Variants in PIEZO2 observed in about 807,000 individuals in gnomAD.
PIEZO2 encodes piezo type mechanosensitive ion channel component 2.
Under a neutral mutation model 337.3 loss-of-function variants are expected in PIEZO2, and 172 were observed. That is an observed-to-expected ratio of 0.51 (90% CI 0.45 to 0.58). The LOEUF (loss-of-function observed/expected upper bound fraction) is 0.58. Ranked by LOEUF, PIEZO2 falls within the 20% of genes least tolerant of loss-of-function variation. The pLI is 0.00. For synonymous variants in PIEZO2, 1,251 were observed against 1,228.5 expected (o/e 1.02, Z -0.38); for missense variants, 3,028 against 3,391.3 (o/e 0.89, Z 2.66).
At position 10,682,761 on chromosome 18, in the gene PIEZO2, C is replaced by T. The variant is rs1436438689; in HGVS notation, c.7498-469G>A. Among the ~76,000 whole-genome samples, 1 of 73,974 alleles carries T rather than the reference C, an allele frequency of 1.4e-5. No homozygotes were observed. Among genetic ancestry groups the T allele is most frequent in the Non-Finnish European group, 3.3e-5 (1 of 29,914 alleles). 48.5% of individuals were successfully genotyped at this position (73,974 alleles called of 152,430 possible). On this transcript the variant is annotated intron_variant, in intron 49 of 55. Transcript: ENST00000674853. This position sits in a 1 kb window ranked among gnomAD's most constrained non-coding sequence, Gnocchi z 5.6. ...AAAAAACATGATTTTTAATTTAATT[C>T]ATGACACGTGTTGTTAAAGACAATG...
rs968143256 is a variant in PIEZO2 at position 10,673,952 on chromosome 18, A to T, written c.8162-1079T>A. On this transcript the variant is annotated intron_variant, in intron 54 of 55. Coordinates refer to ENST00000674853, the MANE Select transcript of PIEZO2 (RefSeq NM_001378183.1). This position sits in a 1 kb window ranked among gnomAD's most constrained non-coding sequence, Gnocchi z 4.8. The stretch of plus-strand genomic sequence containing the variant: ...TTCATAATGTTTTAAGAAAGTTTAC[A>T]GATTTGTGTTGGGCCACATTCAACA... Among the ~76,000 whole-genome samples the T allele has an allele frequency of 7.2e-5, 11 of 152,210 alleles. No individual in the cohort carries two copies. Among genetic ancestry groups the T allele is most frequent in the African/African-American group, 2.7e-4 (11 of 41,446 alleles).
intron 1 of PIEZO2, among the ~76,000 whole-genome samples, chr18:11,103,381 G>T (rs2039473786): frequency 6.6e-6 from 1 of 152,234 alleles, no homozygotes; most frequent in East Asian, 1.9e-4. Context: ...TAAGAGTGAT[G>T]GAGACATGAC....
chr18:10,687,860 G>A (rs1567949016), intron 49 of PIEZO2, among the ~76,000 whole-genome samples: 1 of 152,176 alleles, frequency 6.6e-6, no homozygotes, highest in Non-Finnish European at 1.5e-5. Flanking sequence ...ATAACACCCA[G>A]TTGGGCCACC....
chr18:10,676,247 G>A lies in PIEZO2; in HGVS notation c.8082-959C>T, dbSNP rs368291709. On this transcript the variant is annotated intron_variant, in intron 53 of 55. Transcript: ENST00000674853. The surrounding 1 kb of genome is among the most constrained non-coding windows in gnomAD (Gnocchi z 5.1). ...AAGGGCCCTTCAACTTTAGTGAGTC[G>A]CAAAACATATCTCAGTCTGGGAACA... Among the ~76,000 whole-genome samples, 5 of 152,188 alleles carry A rather than the reference G, an allele frequency of 3.3e-5. No individual in the cohort carries two copies. The highest frequency in any genetic ancestry group is 1.3e-4 in the Admixed American group (2 of 15,278).
chr18:11,039,009 G>A (rs1344359476), intron 2 of PIEZO2, among the ~76,000 whole-genome samples: 1 of 152,162 alleles, frequency 6.6e-6, no homozygotes, highest in East Asian at 1.9e-4. Context: ...TATTGTTTAG[G>A]ATATGTGTCT....
chr18:11,121,623 G>C (rs2146197318), intron 1 of PIEZO2, among the ~76,000 whole-genome samples: 1 of 152,276 alleles, frequency 6.6e-6, no homozygotes, highest in African/African-American at 2.4e-5. Flanking sequence ...GAGGAATTCG[G>C]CTTGCCCAGT....
intron 1 of PIEZO2, among the ~76,000 whole-genome samples, chr18:11,103,766 TAAA>T (rs1329882121): frequency 1.3e-5 from 2 of 151,530 alleles, no homozygotes; most frequent in Admixed American, 6.6e-5. Flanking sequence ...CAGCCTTCCT[TAAA>T]AAAGACAGAT....
At position 11,094,307 on chromosome 18, in the gene PIEZO2, A is replaced by G. The variant is rs894798642; in HGVS notation, c.65-28085T>C. 6.6e-6 allele frequency among the ~76,000 whole-genome samples: 1 copy of G among 152,116 alleles called. No homozygotes were observed. Among genetic ancestry groups the G allele is most frequent in the African/African-American group, 2.4e-5 (1 of 41,422 alleles). ...AGCCATTTATCATTGAAATTTTACA[A>G]ATGGGGAAGCTGAGGCGAAGTGATT... On this transcript the variant is annotated intron_variant, in intron 1 of 55. Coordinates refer to ENST00000674853, the MANE Select transcript of PIEZO2 (RefSeq NM_001378183.1). This position sits in a 1 kb window ranked among gnomAD's most constrained non-coding sequence, Gnocchi z 4.4.
rs2144153133 is a variant in PIEZO2, at chr18:10,789,100, C to T, written c.2148G>A (p.Leu716=). 6.5e-7 allele frequency: 1 copy of T among 1,537,088 alleles called. No homozygotes were observed. Among genetic ancestry groups the T allele is most frequent in the South Asian group, 1.2e-5 (1 of 84,034 alleles). ...CTACCTGGTATAGGGCCACACAGAACAGGAACAGCACCATGTAGATGATTT... is the reference window on the plus strand; with the variant it reads ...CTACCTGGTATAGGGCCACACAGAATAGGAACAGCACCATGTAGATGATTT... ...MYKIIYMVLF[L]FCVALYQVHY... is the part of the protein sequence containing the mutation. Residue 716 remains leucine, a synonymous_variant, in exon 15 of 56, where the codon CTG becomes CTA. Coordinates refer to ENST00000674853, the MANE Select transcript of PIEZO2 (RefSeq NM_001378183.1).
chr18:10,928,963 C>T (rs1296703669), intron 3 of PIEZO2, among the ~76,000 whole-genome samples: 1 of 152,136 alleles, frequency 6.6e-6, no homozygotes, highest in Non-Finnish European at 1.5e-5. Context: ...TCACCTTCAT[C>T]CCTGTTTAAT....
At position 10,750,256 on chromosome 18, in the gene PIEZO2, C is replaced by G; in HGVS notation, c.4168-69G>C. On this transcript the variant is annotated intron_variant, in intron 28 of 55. Coordinates refer to ENST00000674853, the MANE Select transcript of PIEZO2 (RefSeq NM_001378183.1). This position sits in a 1 kb window ranked among gnomAD's most constrained non-coding sequence, Gnocchi z 4.1. ...GAAAAAAAAGTGGTGTTTTATGATC[C>G]CAACATGTGCAAGAATTCACAAGGT... The G allele has an allele frequency of 9.0e-7, 1 of 1,106,144 alleles. No individual in the cohort carries two copies. The highest frequency in any genetic ancestry group is 1.3e-6 in the Non-Finnish European group (1 of 755,978). 68.5% of individuals were successfully genotyped at this position (1,106,144 alleles called of 1,614,324 possible).
At position 10,724,927 on chromosome 18, in the gene PIEZO2, C is replaced by T. The variant is rs1482963130; in HGVS notation, c.5029+6480G>A. On this transcript the variant is annotated intron_variant, in intron 36 of 55. Transcript: ENST00000674853. This position sits in a 1 kb window ranked among gnomAD's most constrained non-coding sequence, Gnocchi z 5.8. ...CACCCTGGGACAGCCTCCACCTGGA[C>T]GGCGATGGAACCCAGGTGGGCGCAC... is the stretch of plus-strand genomic sequence containing the variant. 6.9e-6 allele frequency: 11 copies of T among 1,604,842 alleles called. No individual in the cohort carries two copies. The highest frequency in any genetic ancestry group is 6.7e-5 in the African/African-American group (5 of 74,752).
intron 1 of PIEZO2, among the ~76,000 whole-genome samples, chr18:11,079,097 G>T (rs2038647414): frequency 6.6e-6 from 1 of 152,150 alleles, no homozygotes; most frequent in Non-Finnish European, 1.5e-5. Context: ...ATGAACTTGA[G>T]ATTGTTTGAT....
At chr18:10,765,332 C>T (rs971895269) in intron 21 of PIEZO2, among the ~76,000 whole-genome samples, 7 of 152,180 alleles carry the variant, frequency 4.6e-5, no homozygotes, top group African/African-American at 9.7e-5. Context: ...TGAAACCTGT[C>T]AGGGGACTTT....
chr18:10,932,567 A>C (rs992598737), intron 3 of PIEZO2, among the ~76,000 whole-genome samples: 6 of 152,188 alleles, frequency 3.9e-5, no homozygotes, highest in African/African-American at 1.4e-4. Context: ...TCCAGAGCAG[A>C]AGAGACACAA....
intron 42 of PIEZO2, chr18:10,704,147 G>C: frequency 1.9e-6 from 1 of 534,804 alleles, no homozygotes; most frequent in Non-Finnish European, 3.3e-6. Context: ...CTGTTAAATG[G>C]GAATGATGCC....
intron 3 of PIEZO2, among the ~76,000 whole-genome samples, chr18:10,960,633 G>A (rs2033730525): frequency 6.6e-6 from 1 of 151,268 alleles, no homozygotes; most frequent in African/African-American, 2.4e-5. Context: ...TGTGTTTGAG[G>A]TTTTTTCCTG....
chr18:10,813,195 G>T lies in PIEZO2; in HGVS notation c.918-5921C>A, dbSNP rs2040252356. Reference sequence around the variant, plus strand: ...GGGATTTCACCATGTTGGCCAGGCTGGTCTCCAACTCCTGACCTCGTGATT... The same window carrying T: ...GGGATTTCACCATGTTGGCCAGGCTTGTCTCCAACTCCTGACCTCGTGATT... On this transcript the variant is annotated intron_variant, in intron 7 of 55. Coordinates refer to ENST00000674853, the MANE Select transcript of PIEZO2 (RefSeq NM_001378183.1). The surrounding 1 kb of genome is among the most constrained non-coding windows in gnomAD (Gnocchi z 4.2). 6.6e-6 allele frequency among the ~76,000 whole-genome samples: 1 copy of T among 152,024 alleles called. No homozygotes were observed. Among genetic ancestry groups the T allele is most frequent in the Non-Finnish European group, 1.5e-5 (1 of 68,006 alleles).
intron 1 of PIEZO2, among the ~76,000 whole-genome samples, chr18:11,098,800 A>T (rs970439773): frequency 1.3e-5 from 2 of 149,998 alleles, no homozygotes; most frequent in African/African-American, 2.5e-5. Context: ...TTGTTTATTT[A>T]AAAAAAATTT....
Sources: allele counts gnomAD v4.1 joint callset (sites outside exome capture counted in the v4.1 genomes callset), GRCh38; gene constraint gnomAD v4.1.1; non-coding constraint Gnocchi (gnomAD v3.1); transcripts MANE v1.5; gene names NCBI Gene and HGNC (gene_info 2026-07-23, HGNC 2026-07-21).